MTUS1: variants seen among roughly 807,000 people sequenced by gnomAD.
MTUS1 encodes microtubule associated scaffold protein 1, also known as microtubule-associated tumor suppressor 1.
Under a neutral mutation model 120.8 loss-of-function variants are expected in MTUS1, and 109 were observed. That is an observed-to-expected ratio of 0.90 (90% CI 0.77 to 1.06). The LOEUF is 1.06. Among genes scored for constraint, MTUS1 ranks in the 50% least tolerant of loss-of-function variants. MTUS1 has a pLI of 0.00. For synonymous variants in MTUS1, 737 were observed against 550.5 expected (o/e 1.34, Z -4.74); for missense variants, 2,210 against 1,486.3 (o/e 1.49, Z -8.01).
intron 6 of MTUS1, among the ~76,000 whole-genome samples, chr8:17,712,562 C>A (rs1821535883): frequency 6.6e-6 from 1 of 152,150 alleles, no homozygotes; most frequent in Non-Finnish European, 1.5e-5. Flanking sequence ...TGGTCTTGAA[C>A]TCCTGACCTC....
chr8:17,789,582 A>C (rs1427316189), intron 1 of MTUS1, among the ~76,000 whole-genome samples: 1 of 152,140 alleles, frequency 6.6e-6, no homozygotes, highest in African/African-American at 2.4e-5. Context: ...CCAACACCAA[A>C]TGGAAAATGT....
In MTUS1 at chr8:17,754,067, T is replaced by C; in HGVS notation, c.1741A>G (p.Lys581Glu). Residue 581 changes from lysine (K) to glutamate (E), a missense_variant, in exon 2 of 15, where the codon AAA (lysine) becomes GAA (glutamate). Transcript: ENST00000693296. Reference sequence around the variant, plus strand: ...TGCACAGCCTGGCTAGTAATGAGTTTATTAAACTGCTGCTTATGTGTCTTG... The same window carrying C: ...TGCACAGCCTGGCTAGTAATGAGTTCATTAAACTGCTGCTTATGTGTCTTG... ...INKTHKQQFN[K>E]LITSQAVHVT... 6.2e-7 allele frequency: 1 copy of C among 1,614,184 alleles called. No individual in the cohort carries two copies. The highest frequency in any genetic ancestry group is 8.5e-7 in the Non-Finnish European group (1 of 1,180,022).
chr8:17,787,713 T>C (rs73666313), intron 1 of MTUS1, among the ~76,000 whole-genome samples: 5 of 152,212 alleles, frequency 3.3e-5, no homozygotes, highest in African/African-American at 1.2e-4. Flanking sequence ...TTTTGGAAAC[T>C]TTCTAATACA....
chr8:17,693,695 A>G (rs766700729), intron 6 of MTUS1, among the ~76,000 whole-genome samples: 1 of 152,190 alleles, frequency 6.6e-6, no homozygotes, highest in Non-Finnish European at 1.5e-5. Context: ...GAGGACCTGG[A>G]TTAAAGGTAC....
At chr8:17,751,230 C>G (rs1484305015) in intron 2 of MTUS1, among the ~76,000 whole-genome samples, 1 of 152,112 alleles carries the variant, frequency 6.6e-6, no homozygotes, top group African/African-American at 2.4e-5. Context: ...ACCTGGGAGG[C>G]AGAGGTTGCA....
chr8:17,780,979 G>A (rs750100098), intron 1 of MTUS1: 1 of 152,172 alleles, frequency 6.6e-6, no homozygotes, highest in Non-Finnish European at 1.5e-5. Context: ...AATCCTGAGG[G>A]GCTGTGGAAG....
Position 17,653,422 on chromosome 8 carries a change from C to T in MTUS1, c.3288+3G>A, listed in dbSNP as rs759503210. On this transcript the variant is annotated splice_donor_region_variant and intron_variant, in intron 11 of 14. Coordinates refer to ENST00000693296, the MANE Select transcript of MTUS1 (RefSeq NM_001363059.2). ...GGATACTGGGATATTGACATTCACCCACCTCTAGCGATTCCTGCTTCTCAG... is the reference window on the plus strand; with the variant it reads ...GGATACTGGGATATTGACATTCACCTACCTCTAGCGATTCCTGCTTCTCAG... 1.9e-6 allele frequency: 3 copies of T among 1,602,950 alleles called. No individual in the cohort carries two copies. The highest frequency in any genetic ancestry group is 2.6e-6 in the Non-Finnish European group (3 of 1,174,508).
chr8:17,760,034 C>A (rs932137108), intron 1 of MTUS1, among the ~76,000 whole-genome samples: 24 of 150,806 alleles, frequency 1.6e-4, no homozygotes, highest in Admixed American at 5.3e-4. Context: ...CATAGCAGGA[C>A]CCTACCTCTA....
chr8:17,676,410 G>T (rs1813130574), intron 7 of MTUS1: 3 of 699,158 alleles, frequency 4.3e-6, no homozygotes, highest in African/African-American at 1.8e-5. Context: ...CCACCAGTCG[G>T]GTCTGTCTAC....
At chr8:17,668,489 C>T (rs1811368508) in intron 8 of MTUS1, among the ~76,000 whole-genome samples, 3 of 152,156 alleles carry the variant, frequency 2.0e-5, no homozygotes, top group South Asian at 4.1e-4. Context: ...CAGATGTAGA[C>T]CATTTAACTG....
intron 7 of MTUS1, 149 bp downstream of exon 7, chr8:17,684,179 G>C: frequency 1.6e-6 from 1 of 634,766 alleles, no homozygotes; most frequent in South Asian, 1.9e-5. Context: ...TCAAGTATCT[G>C]GTGAAGTGAC....
At chr8:17,712,554 G>T (rs2937893) in intron 6 of MTUS1, among the ~76,000 whole-genome samples, 2 of 152,200 alleles carry the variant, frequency 1.3e-5, no homozygotes, top group East Asian at 3.9e-4. Flanking sequence ...GGCCAGGCTG[G>T]TCTTGAACTC....
chr8:17,774,666 G>A (rs1481057494), intron 1 of MTUS1, among the ~76,000 whole-genome samples: 1 of 152,112 alleles, frequency 6.6e-6, no homozygotes, highest in African/African-American at 2.4e-5. Context: ...CAGCAGCTAT[G>A]GAAAACAATT....
At position 17,684,545 on chromosome 8, in the gene MTUS1, G is replaced by A. The variant is rs759143239; in HGVS notation, c.2624-3C>T. 4 of 1,611,254 alleles carry A rather than the reference G, an allele frequency of 2.5e-6. No individual in the cohort carries two copies. The highest frequency in any genetic ancestry group is 3.4e-6 in the Non-Finnish European group (4 of 1,178,594). ...ATTCTTTTGCCTGCTCTTTTCAACT[G>A]CAAAACGAATTAACATAGGTACAAA... On this transcript the variant is annotated splice_region_variant and splice_polypyrimidine_tract_variant and intron_variant, in intron 6 of 14. Coordinates refer to ENST00000693296, the MANE Select transcript of MTUS1 (RefSeq NM_001363059.2).
chr8:17,718,407 T>C (rs60458683), intron 4 of MTUS1, among the ~76,000 whole-genome samples: 1 of 152,338 alleles, frequency 6.6e-6, no homozygotes, highest in East Asian at 1.9e-4. Flanking sequence ...CTAGCTGTGC[T>C]GAATCACCTA....
Position 17,658,397 on chromosome 8 carries a change from A to G in MTUS1, c.2906-2332T>C, listed in dbSNP as rs1425888260. Among the ~76,000 whole-genome samples the G allele has an allele frequency of 2.0e-5, 3 of 152,226 alleles. No individual in the cohort carries two copies. The East Asian group carries it at 5.8e-4, about 29-fold the overall frequency. The stretch of plus-strand genomic sequence containing the variant: ...TACCAAAAATAGAATGACTAACAAT[A>G]TAATACATGGCAGAACACAACCAAA... On this transcript the variant is annotated intron_variant, in intron 8 of 14. Transcript: ENST00000693296.
chr8:17,799,630 TATAAG>T (rs1167398537), intron 1 of MTUS1, among the ~76,000 whole-genome samples: 2 of 152,100 alleles, frequency 1.3e-5, no homozygotes, highest in African/African-American at 4.8e-5. Flanking sequence ...TTCCAAAAAA[TATAAG>T]ATATTATCTA....
intron 4 of MTUS1, chr8:17,721,853 A>G: frequency 6.2e-7 from 1 of 1,614,112 alleles, no homozygotes; most frequent in African/African-American, 1.3e-5. Flanking sequence ...AAGATTTTTG[A>G]AGAAATATCA....
intron 2 of MTUS1, among the ~76,000 whole-genome samples, chr8:17,748,712 G>A (rs186898048): frequency 3.6e-4 from 55 of 151,612 alleles, no homozygotes; most frequent in East Asian, 1.4e-3. Context: ...ACTCCTGCCC[G>A]CAAGAGGTTG....
Sources: gnomAD v4.1 joint callset for allele counts (sites outside exome capture counted in the v4.1 genomes callset) on GRCh38, gnomAD v4.1.1 for gene constraint, MANE v1.5 for transcripts, NCBI Gene and HGNC (gene_info 2026-07-23, HGNC 2026-07-21) for gene names.